The following ARSG variants were observed in gnomAD, a reference collection of about 807,000 sequenced individuals.
ARSG encodes the protein arylsulfatase G.
A neutral mutation model predicts 50.5 loss-of-function variants in ARSG; 37 were observed. The ratio of observed to expected loss-of-function variants is 0.73; its 90% CI spans 0.56 to 0.96. The LOEUF (loss-of-function observed/expected upper bound fraction) is 0.96, where lower values mean the gene tolerates loss of function less well. ARSG is among the 50% of genes least tolerant of loss of function. The probability of loss-of-function intolerance (pLI) is 0.00; values close to 1 mark genes in which losing one functional copy is unlikely to be tolerated. For synonymous variants in ARSG, 225 were observed against 254.6 expected (o/e 0.88, Z 1.11); for missense variants, 629 against 675.3 (o/e 0.93, Z 0.76).
chr17:68,376,100 T>TTTAA (rs59682313), intron 8 of ARSG, among the ~76,000 whole-genome samples: 6,615 of 151,952 alleles, frequency 0.044, 218 homozygotes, highest in East Asian at 0.11. Context: ...CCCTATATCC[T>TTTAA]TTAATTAATT....
At chr17:68,360,342 C>T (rs2079223734) in intron 6 of ARSG, among the ~76,000 whole-genome samples, 1 of 152,208 alleles carries the variant, frequency 6.6e-6, no homozygotes, top group Admixed American at 6.5e-5. Flanking sequence ...CCATGCCCTT[C>T]CTCCTCCATG....
chr17:68,305,862 G>A (rs2076585926), intron 1 of ARSG, among the ~76,000 whole-genome samples: 1 of 152,028 alleles, frequency 6.6e-6, no homozygotes, highest in Admixed American at 6.5e-5. Context: ...TCACTTGAGA[G>A]GTCAGGAGTT....
intron 1 of ARSG, chr17:68,274,165 T>TG (rs1169906925): frequency 1.9e-5 from 25 of 1,339,192 alleles, no homozygotes; most frequent in Admixed American, 4.1e-5. Flanking sequence ...CATGGAGAGA[T>TG]GATGTCGAAT....
chr17:68,265,710 C>T (rs1555746212), intron 1 of ARSG, among the ~76,000 whole-genome samples: 1 of 89,162 alleles, frequency 1.1e-5, no homozygotes, highest in African/African-American at 5.5e-5. Context: ...ATCCAGTCCA[C>T]TGTTTTTTTT....
At chr17:68,275,977 C>T (rs375232891) in intron 1 of ARSG, among the ~76,000 whole-genome samples, 5 of 147,498 alleles carry the variant, frequency 3.4e-5, no homozygotes, top group African/African-American at 1.0e-4. Context: ...AGCGAGACTC[C>T]GTCTCAAAAA....
In ARSG at chr17:68,347,176, A is replaced by G. The variant is rs774811849; in HGVS notation, c.454+4A>G. Reference sequence around the variant, plus strand: ...TCTTATCACCCCAACTTCCGTGGTAAGAATTCTTTTGGGGATTTGTTACCT... The same window carrying G: ...TCTTATCACCCCAACTTCCGTGGTAGGAATTCTTTTGGGGATTTGTTACCT... On this transcript the variant is annotated splice_donor_region_variant and intron_variant, in intron 4 of 11. Transcript: ENST00000621439. 23 of 1,613,692 alleles carry G rather than the reference A, an allele frequency of 1.4e-5. 2 individuals carry two copies. In the South Asian group the frequency reaches 2.1e-4, roughly 15 times the overall value.
chr17:68,300,739 C>T (rs1263023104), intron 1 of ARSG, among the ~76,000 whole-genome samples: 1 of 151,982 alleles, frequency 6.6e-6, no homozygotes, highest in African/African-American at 2.4e-5. Context: ...ACAGGTGGTT[C>T]GAGCCTAAAA....
At chr17:68,278,033 G>T in intron 1 of ARSG, 1 of 1,208,162 alleles carries the variant, frequency 8.3e-7, no homozygotes, top group Non-Finnish European at 1.2e-6. Context: ...TACCAAGGTA[G>T]CCAAATTAAA....
intron 1 of ARSG, among the ~76,000 whole-genome samples, chr17:68,283,382 G>C (rs1035653133): frequency 3.0e-4 from 46 of 152,216 alleles, no homozygotes; most frequent in Admixed American, 7.2e-4. Flanking sequence ...TTAGCCAGGC[G>C]TGGTGGCGGG....
the ARSG span, among the ~76,000 whole-genome samples, chr17:68,438,445 A>G: frequency 6.6e-6 from 1 of 152,236 alleles, no homozygotes; most frequent in Admixed American, 6.5e-5. Flanking sequence ...GAAGGCAGTC[A>G]GGAGATCTGG....
chr17:68,308,035 G>A (rs2076675520), intron 2 of ARSG, among the ~76,000 whole-genome samples: 1 of 152,132 alleles, frequency 6.6e-6, no homozygotes, highest in Non-Finnish European at 1.5e-5. Flanking sequence ...TAGGTACAGT[G>A]GCTCATGGCT....
chr17:68,275,588 T>A lies in ARSG; in HGVS notation c.-552+16162T>A, dbSNP rs140291060. 3.5e-3 allele frequency among the ~76,000 whole-genome samples: 526 copies of A among 152,330 alleles called. 2 individuals are homozygous for A. The highest frequency in any genetic ancestry group is 0.012 in the African/African-American group (504 of 41,582). On this transcript the variant is annotated intron_variant, in intron 1 of 11. Coordinates refer to the ARSG transcript ENST00000448504. ...TATAAAAGACCTAAAACTTAAGCTT[T>A]GGGATTTTCTTTTTATTTAGATTAC... is the stretch of plus-strand genomic sequence containing the variant.
intron 11 of ARSG, among the ~76,000 whole-genome samples, chr17:68,408,346 T>C (rs576150248): frequency 7.0e-6 from 1 of 143,148 alleles, no homozygotes; most frequent in Non-Finnish European, 1.5e-5. Flanking sequence ...CATTGTTCAA[T>C]TCCCACCTAT....
chr17:68,280,470 C>T (rs2075659251), intron 1 of ARSG, among the ~76,000 whole-genome samples: 1 of 152,076 alleles, frequency 6.6e-6, no homozygotes, highest in Non-Finnish European at 1.5e-5. Context: ...GAAGAGAGAA[C>T]CCTGAAATTA....
At chr17:68,427,375 G>A (rs1428884822), downstream of ARSG, 1 of 762,890 alleles carries the variant, frequency 1.3e-6, no homozygotes, top group Non-Finnish European at 2.1e-6. Flanking sequence ...ATTTATTTTT[G>A]AGGCAGGGTC....
At chr17:68,305,844 C>T (rs1435100215) in intron 1 of ARSG, among the ~76,000 whole-genome samples, 4 of 152,028 alleles carry the variant, frequency 2.6e-5, no homozygotes, top group East Asian at 1.9e-4. Context: ...GAGGCCAAGG[C>T]GGGCAGATCA....
Position 68,378,735 on chromosome 17 carries a change from A to G in ARSG, c.983-6329A>G, listed in dbSNP as rs559555910. 2.1e-4 allele frequency among the ~76,000 whole-genome samples: 32 copies of G among 152,094 alleles called. No individual in the cohort carries two copies. Among genetic ancestry groups the G allele is most frequent in the Admixed American group, 1.6e-3 (24 of 15,256 alleles). ...AACTGACTGCTCCTCTGTCTGGAAA[A>G]TCTTTTCTCGTTTTATTTGAAGAGC... On this transcript the variant is annotated intron_variant, in intron 8 of 11. Transcript: ENST00000621439. This position sits in a 1 kb window ranked among gnomAD's most constrained non-coding sequence, Gnocchi z 4.4.
chr17:68,299,653 A>G (rs189731796), intron 1 of ARSG, among the ~76,000 whole-genome samples: 322 of 152,332 alleles, frequency 2.1e-3, no homozygotes, highest in Non-Finnish European at 3.8e-3. Flanking sequence ...ATCTATGCAG[A>G]GAAAGGAAGA....
chr17:68,356,933 A>G, intron 6 of ARSG, 129 bp downstream of exon 6: 1 of 1,123,494 alleles, frequency 8.9e-7, no homozygotes, highest in Non-Finnish European at 1.3e-6. Context: ...AGATGGATGC[A>G]TACATGTCTC....
Sources: allele counts gnomAD v4.1 joint callset (sites outside exome capture counted in the v4.1 genomes callset), GRCh38; gene constraint gnomAD v4.1.1; non-coding constraint Gnocchi (gnomAD v3.1); transcripts MANE v1.5; gene names NCBI Gene and HGNC (gene_info 2026-07-23, HGNC 2026-07-21).